MYO16: variants seen among roughly 807,000 people sequenced by gnomAD.
MYO16 encodes myosin XVI.
Under a neutral mutation model 205.3 loss-of-function variants are expected in MYO16, and 94 were observed. That is an observed-to-expected ratio of 0.46 (90% CI 0.39 to 0.54). The LOEUF is 0.54. Among genes scored for constraint, MYO16 ranks in the 20% least tolerant of loss-of-function variants. The pLI is 0.00. For synonymous variants in MYO16, 988 were observed against 954.0 expected, an observed-to-expected ratio of 1.04 and a Z score of -0.66; for missense variants, 2,315 against 2,387.5, an observed-to-expected ratio of 0.97 and a Z score of 0.63.
intron 3 of MYO16, among the ~76,000 whole-genome samples, chr13:108,725,519 T>C (rs574559626): frequency 5.4e-4 from 82 of 152,296 alleles, no homozygotes; most frequent in African/African-American, 1.9e-3. Context: ...GGACTCATAT[T>C]TCCCTCCACT....
chr13:108,960,320 A>C (rs893046580), intron 17 of MYO16, among the ~76,000 whole-genome samples: 1 of 152,006 alleles, frequency 6.6e-6, no homozygotes, highest in Non-Finnish European at 1.5e-5. Context: ...AGTAGTTAAG[A>C]AATTTGAGAG....
chr13:108,566,405 G>A, the MYO16 span, among the ~76,000 whole-genome samples: 1 of 151,006 alleles, frequency 6.6e-6, no homozygotes, highest in South Asian at 2.1e-4. Context: ...CTTTATTTGA[G>A]TTTTTTCTCT....
intron 23 of MYO16, among the ~76,000 whole-genome samples, chr13:109,036,995 C>T (rs1481694473): frequency 6.6e-6 from 1 of 152,230 alleles, no homozygotes; most frequent in Non-Finnish European, 1.5e-5. Context: ...CTCTCTGCTG[C>T]TCCAGCAGCA....
intron 20 of MYO16, among the ~76,000 whole-genome samples, chr13:108,976,288 GTA>G (rs1301048549): frequency 6.6e-6 from 1 of 152,088 alleles, no homozygotes; most frequent in Non-Finnish European, 1.5e-5. Context: ...CTGATGTGAT[GTA>G]TGTTTTATCA....
At chr13:108,610,114 A>C (rs577012065) in intron 1 of MYO16, among the ~76,000 whole-genome samples, 1 of 152,264 alleles carries the variant, frequency 6.6e-6, no homozygotes, top group Non-Finnish European at 1.5e-5. Context: ...TCTTTCTTCA[A>C]CCTTGACAAT....
chr13:108,506,750 C>A, the MYO16 span, among the ~76,000 whole-genome samples: 1 of 152,100 alleles, frequency 6.6e-6, no homozygotes, highest in Non-Finnish European at 1.5e-5. Context: ...GGGCATCTTG[C>A]CTTGTTCCTG....
chr13:108,566,669 G>A, the MYO16 span, among the ~76,000 whole-genome samples: 2 of 140,762 alleles, frequency 1.4e-5, no homozygotes, highest in African/African-American at 5.3e-5. Flanking sequence ...AAGGAAAGAA[G>A]GAAGGAAGGA....
rs137898897 is a variant in MYO16 at position 108,967,599 on chromosome 13, G to A, written c.2369+2697G>A. Among the ~76,000 whole-genome samples, 162 of 152,248 alleles carry A rather than the reference G, an allele frequency of 1.1e-3. 2 individuals are homozygous for A. The highest frequency in any genetic ancestry group is 2.7e-3 in the Admixed American group (42 of 15,294). ...GGCTGGGGACCACTGAGGGCCACAC[G>A]TAGTGGCACTTTAAATATTGAAACA... On this transcript the variant is annotated intron_variant, in intron 20 of 34. Transcript: ENST00000457511.
At chr13:108,871,454 AG>A (rs143196659) in intron 12 of MYO16, among the ~76,000 whole-genome samples, 2,194 of 152,090 alleles carry the variant, frequency 0.014, 44 homozygotes, top group African/African-American at 0.05. Context: ...AAAAAACCAT[AG>A]GGCCCAGGAA....
At chr13:108,709,002 C>A (rs542029635) in intron 2 of MYO16, among the ~76,000 whole-genome samples, 1 of 151,532 alleles carries the variant, frequency 6.6e-6, no homozygotes, top group Non-Finnish European at 1.5e-5. Context: ...CCCCCCACCC[C>A]CTCCCACAGG....
At position 108,934,237 on chromosome 13, in the gene MYO16, C is replaced by G. The variant is rs1021845988; in HGVS notation, c.1926-23451C>G. ...CAGTGTATAAGCAAGCCCTTTTCTC[C>G]TCATCCTCACCAATGTCTATTGTTT... On this transcript the variant is annotated intron_variant, in intron 16 of 34. Coordinates refer to ENST00000457511, the MANE Select transcript of MYO16 (RefSeq NM_001198950.3). 2.0e-5 allele frequency among the ~76,000 whole-genome samples: 3 copies of G among 152,140 alleles called. No individual in the cohort carries two copies. The East Asian group carries it at 5.8e-4, about 29-fold the overall frequency.
chr13:108,873,919 G>A (rs906907549), intron 12 of MYO16, among the ~76,000 whole-genome samples: 2 of 152,256 alleles, frequency 1.3e-5, no homozygotes, highest in African/African-American at 4.8e-5. Context: ...AAAGCCAGAT[G>A]TTCCTGCATG....
chr13:108,977,491 C>T (rs1884305240), intron 20 of MYO16, among the ~76,000 whole-genome samples: 1 of 152,132 alleles, frequency 6.6e-6, no homozygotes, highest in African/African-American at 2.4e-5. Context: ...GGCACATGCC[C>T]ACGGATGTTC....
intron 5 of MYO16, among the ~76,000 whole-genome samples, chr13:108,789,929 G>T (rs1886566910): frequency 6.6e-6 from 1 of 152,148 alleles, no homozygotes; most frequent in Non-Finnish European, 1.5e-5. Context: ...AAACACCAAG[G>T]AGGAAGGATA....
intron 24 of MYO16, among the ~76,000 whole-genome samples, chr13:109,049,754 A>G (rs1466851787): frequency 5.3e-5 from 8 of 152,112 alleles, no homozygotes; most frequent in African/African-American, 1.4e-4. Flanking sequence ...TGTATTTATC[A>G]TTTAACTTTT....
chr13:108,770,329 C>T (rs1175090253), intron 4 of MYO16, among the ~76,000 whole-genome samples: 2 of 152,022 alleles, frequency 1.3e-5, no homozygotes, highest in African/African-American at 4.8e-5. Flanking sequence ...TTTAAATTTT[C>T]AGATAACTGT....
chr13:108,812,652 A>G (rs547269089), intron 7 of MYO16, among the ~76,000 whole-genome samples: 1 of 152,352 alleles, frequency 6.6e-6, no homozygotes, highest in Non-Finnish European at 1.5e-5. Flanking sequence ...GCAACACCGT[A>G]TTTAATGGTT....
Position 108,644,412 on chromosome 13 carries a change from C to T in MYO16, c.28+14540C>T, listed in dbSNP as rs74117297. 3.4e-3 allele frequency among the ~76,000 whole-genome samples: 458 copies of T among 134,754 alleles called. 2 individuals carry two copies. Among genetic ancestry groups the T allele is most frequent in the African/African-American group, 0.012 (437 of 35,446 alleles). 88.4% of individuals were successfully genotyped at this position (134,754 alleles called of 152,430 possible). On this transcript the variant is annotated intron_variant, in intron 1 of 34. Coordinates refer to ENST00000457511, the MANE Select transcript of MYO16 (RefSeq NM_001198950.3). ...TCTATCTATCTATCTATCTATCTAT[C>T]TATCATCTGTTTAAATTACTGCAAC...
At chr13:108,950,756 G>T (rs1017879015) in intron 16 of MYO16, among the ~76,000 whole-genome samples, 3 of 151,746 alleles carry the variant, frequency 2.0e-5, no homozygotes, top group Non-Finnish European at 4.4e-5. Context: ...AATGTTCATA[G>T]TAGCCTTATT....
Sources: allele counts gnomAD v4.1 joint callset (sites outside exome capture counted in the v4.1 genomes callset), GRCh38; gene constraint gnomAD v4.1.1; transcripts MANE v1.5; gene names NCBI Gene and HGNC (gene_info 2026-07-23, HGNC 2026-07-21).